CPQ: variants seen among roughly 807,000 people sequenced by gnomAD.
CPQ encodes Ser-Met dipeptidase.
Under a neutral mutation model 45.7 loss-of-function variants are expected in CPQ, and 37 were observed. The observed-to-expected ratio is 0.81, with a 90% CI of 0.62 to 1.07. The LOEUF is 1.07. CPQ is among the 50% of genes least tolerant of loss of function. The pLI is 0.00. For missense variants in CPQ, 537 were observed against 572.9 expected (o/e 0.94, Z 0.64); for synonymous variants, 186 against 205.8 (o/e 0.90, Z 0.82).
chr8:96,899,587 G>T (rs115309974), intron 4 of CPQ, among the ~76,000 whole-genome samples: 3,138 of 152,168 alleles, frequency 0.021, 113 homozygotes, highest in African/African-American at 0.071. Context: ...CACGTGGCGG[G>T]AGTGGGAGCA....
chr8:96,976,907 A>G (rs944929233), intron 5 of CPQ, among the ~76,000 whole-genome samples: 2 of 152,002 alleles, frequency 1.3e-5, no homozygotes, highest in African/African-American at 2.4e-5. Context: ...TAGAAGATAA[A>G]ATTGGAAAAA....
At chr8:96,944,979 C>A (rs777997545) in intron 4 of CPQ, among the ~76,000 whole-genome samples, 2 of 152,142 alleles carry the variant, frequency 1.3e-5, no homozygotes, top group South Asian at 4.1e-4. Flanking sequence ...TACACCCCAG[C>A]GCTCATCATC....
chr8:96,945,276 A>T lies in CPQ; in HGVS notation c.850-20659A>T, dbSNP rs116630499. ...AGTGGGTGTGGGGAGATCCATGAGG[A>T]TGTTGGAAGCAAATATAAAACTGAG... On this transcript the variant is annotated intron_variant, in intron 4 of 7. Coordinates refer to ENST00000220763, the MANE Select transcript of CPQ (RefSeq NM_016134.4). Among the ~76,000 whole-genome samples, 540 of 152,294 alleles carry T rather than the reference A, an allele frequency of 3.5e-3. 3 individuals are homozygous for T. The highest frequency in any genetic ancestry group is 0.012 in the African/African-American group (500 of 41,574).
In CPQ at chr8:97,053,932, A is replaced by G. The variant is rs143847833; in HGVS notation, c.1054-12077A>G. On this transcript the variant is annotated intron_variant, in intron 6 of 7. Transcript: ENST00000220763. ...TCTGATGGTGGATTGCATATGGAGT[A>G]TGAGAGAAATAGAGGAGTCAAGCAT... Among the ~76,000 whole-genome samples the G allele has an allele frequency of 4.6e-5, 7 of 152,236 alleles. No individual in the cohort carries two copies. In the East Asian group the frequency reaches 7.7e-4, roughly 17 times the overall value.
At chr8:96,788,471 G>A (rs905710832) in intron 2 of CPQ, among the ~76,000 whole-genome samples, 1 of 151,950 alleles carries the variant, frequency 6.6e-6, no homozygotes, top group Non-Finnish European at 1.5e-5. Flanking sequence ...GGACTCCATT[G>A]TTTTGATGAG....
At chr8:96,696,274 C>T (rs1050883879) in intron 1 of CPQ, among the ~76,000 whole-genome samples, 2 of 150,896 alleles carry the variant, frequency 1.3e-5, no homozygotes, top group Admixed American at 6.6e-5. Flanking sequence ...GGGAACATCA[C>T]ACTCTGGGGA....
intron 1 of CPQ, among the ~76,000 whole-genome samples, chr8:96,693,917 A>G (rs1019675282): frequency 6.6e-6 from 1 of 152,208 alleles, no homozygotes; most frequent in African/African-American, 2.4e-5. Context: ...ACTCTTCAAG[A>G]TGTAGGCAAT....
chr8:96,926,304 T>A (rs995086828), intron 4 of CPQ, among the ~76,000 whole-genome samples: 8 of 152,216 alleles, frequency 5.3e-5, no homozygotes, highest in African/African-American at 1.9e-4. Flanking sequence ...CCAGTCCAGA[T>A]ATAAGTCTGT....
At chr8:96,777,760 A>AT (rs1163639654) in intron 1 of CPQ, among the ~76,000 whole-genome samples, 5 of 14,062 alleles carry the variant, frequency 3.6e-4, no homozygotes, top group Non-Finnish European at 4.7e-4. Flanking sequence ...ATATATATAT[A>AT]TTTTTTTTTT....
intron 1 of CPQ, among the ~76,000 whole-genome samples, chr8:96,747,639 C>T (rs1434003281): frequency 6.6e-6 from 1 of 152,148 alleles, no homozygotes; most frequent in Non-Finnish European, 1.5e-5. Flanking sequence ...AATTATGGAG[C>T]GTCTTAAGAT....
Position 96,853,851 on chromosome 8 carries a change from T to C in CPQ, c.641+18671T>C, listed in dbSNP as rs966463350. Among the ~76,000 whole-genome samples, 12 of 152,290 alleles carry C rather than the reference T, an allele frequency of 7.9e-5. 1 individual carries two copies. The highest frequency in any genetic ancestry group is 7.8e-4 in the Admixed American group (12 of 15,300). ...CCTGGTATTAGGATTCCCATAGTCA[T>C]GGCAAAACCAATGATGGTAACGCCA... On this transcript the variant is annotated intron_variant, in intron 3 of 7. Transcript: ENST00000220763.
At chr8:96,963,550 TA>T in intron 4 of CPQ, among the ~76,000 whole-genome samples, 1 of 152,338 alleles carries the variant, frequency 6.6e-6, no homozygotes. Context: ...CCTAATATTT[TA>T]ACCCCAAAGT....
intron 3 of CPQ, among the ~76,000 whole-genome samples, chr8:96,851,975 G>A (rs1020416299): frequency 4.6e-5 from 7 of 152,106 alleles, no homozygotes; most frequent in Non-Finnish European, 7.4e-5. Flanking sequence ...CTTCCAACTC[G>A]AAAGGCAAAA....
intron 4 of CPQ, among the ~76,000 whole-genome samples, chr8:96,883,072 C>A (rs1314678193): frequency 2.0e-5 from 3 of 152,096 alleles, no homozygotes. Context: ...CAGCATAATG[C>A]TTTTGAGATG....
chr8:96,698,296 T>G (rs1176959336), intron 1 of CPQ, among the ~76,000 whole-genome samples: 1 of 152,098 alleles, frequency 6.6e-6, no homozygotes, highest in African/African-American at 2.4e-5. Context: ...GATGTCCATA[T>G]GCAAAAGAAT....
At chr8:96,776,623 G>A (rs190054447) in intron 1 of CPQ, among the ~76,000 whole-genome samples, 75 of 152,130 alleles carry the variant, frequency 4.9e-4, no homozygotes, top group South Asian at 1.9e-3. Context: ...TTGTTTCCTC[G>A]AAATATAAAC....
intron 4 of CPQ, among the ~76,000 whole-genome samples, chr8:96,890,782 A>C (rs1356685604): frequency 1.3e-5 from 2 of 152,202 alleles, no homozygotes; most frequent in Admixed American, 1.3e-4. Flanking sequence ...TAAGACTTCT[A>C]AGCCAGCAGA....
intron 4 of CPQ, among the ~76,000 whole-genome samples, chr8:96,949,163 T>C (rs1813228337): frequency 1.3e-5 from 2 of 152,078 alleles, no homozygotes; most frequent in South Asian, 4.1e-4. Context: ...AGGGGAGGAT[T>C]TAATATTGCG....
intron 1 of CPQ, among the ~76,000 whole-genome samples, chr8:96,740,180 C>A (rs1288309138): frequency 6.6e-6 from 1 of 152,016 alleles, no homozygotes; most frequent in African/African-American, 2.4e-5. Context: ...TCCTTCACAT[C>A]CCTTGTAAGT....
Sources: gnomAD v4.1 joint callset for allele counts (sites outside exome capture counted in the v4.1 genomes callset) on GRCh38, gnomAD v4.1.1 for gene constraint, MANE v1.5 for transcripts, NCBI Gene and HGNC (gene_info 2026-07-23, HGNC 2026-07-21) for gene names.